Variants in CDK5RAP2 observed in about 807,000 individuals in gnomAD.
CDK5RAP2 encodes CDK5 regulatory subunit-associated protein 2.
A neutral mutation model predicts 232.9 loss-of-function variants in CDK5RAP2; 147 were observed. The ratio of observed to expected loss-of-function variants is 0.63; its 90% CI spans 0.55 to 0.72. The LOEUF is 0.72. Among genes scored for constraint, CDK5RAP2 ranks in the 30% least tolerant of loss-of-function variants. The probability of loss-of-function intolerance (pLI) is 0.00; values close to 1 mark genes in which losing one functional copy is unlikely to be tolerated. For synonymous variants in CDK5RAP2, 833 were observed against 833.7 expected (o/e 1.00, Z 0.01); for missense variants, 2,195 against 2,231.5 (o/e 0.98, Z 0.33).
chr9:120,432,068 C>T (rs2035315664), intron 25 of CDK5RAP2, among the ~76,000 whole-genome samples: 1 of 152,180 alleles, frequency 6.6e-6, no homozygotes, highest in Non-Finnish European at 1.5e-5. Flanking sequence ...AGCCTACCAA[C>T]CAAACATTAT....
chr9:120,561,305 A>AT (rs199984383), intron 3 of CDK5RAP2, among the ~76,000 whole-genome samples: 3 of 150,486 alleles, frequency 2.0e-5, no homozygotes, highest in African/African-American at 2.4e-5. Context: ...AAATAACAGA[A>AT]TTTTTTTTTT....
chr9:120,425,770 A>G (rs150048895), intron 25 of CDK5RAP2, among the ~76,000 whole-genome samples: 375 of 152,322 alleles, frequency 2.5e-3, no homozygotes, highest in Non-Finnish European at 3.7e-3. Context: ...AGTAATTGGT[A>G]GAAACTAATT....
At chr9:120,429,737 T>C (rs1318889049) in intron 25 of CDK5RAP2, among the ~76,000 whole-genome samples, 1 of 152,226 alleles carries the variant, frequency 6.6e-6, no homozygotes, top group Non-Finnish European at 1.5e-5. Context: ...AATGACTTTC[T>C]TCACAGAACT....
intron 18 of CDK5RAP2, among the ~76,000 whole-genome samples, 171 bp downstream of exon 18, chr9:120,467,689 G>A (rs568290164): frequency 2.5e-4 from 38 of 151,700 alleles, no homozygotes; most frequent in Middle Eastern, 6.8e-3. Flanking sequence ...TCTATCCCCC[G>A]GGCTGGAGTG....
At chr9:120,505,297 G>A (rs2039759218) in intron 12 of CDK5RAP2, among the ~76,000 whole-genome samples, 1 of 152,022 alleles carries the variant, frequency 6.6e-6, no homozygotes, top group Non-Finnish European at 1.5e-5. Flanking sequence ...TATTCCAGTT[G>A]TTTGGCAGTG....
Position 120,437,345 on chromosome 9 carries a change from A to G in CDK5RAP2, c.3905T>C (p.Leu1302Pro). The G allele has an allele frequency of 6.2e-7, 1 of 1,614,100 alleles. No homozygotes were observed. The highest frequency in any genetic ancestry group is 8.5e-7 in the Non-Finnish European group (1 of 1,179,994). Reference protein sequence around the residue: ...YCVAEGFQEQLNQCAELLEKL... With the variant: ...YCVAEGFQEQPNQCAELLEKL... ...CTCCAGCAGCTCAGCACATTGATTC[A>G]GCTGTTCCTGGAAACCCTCGGCCAC... The change falls in exon 25 of 38, where the codon CTG becomes CCG. Residue 1302 changes from leucine to proline, a missense_variant. Coordinates refer to ENST00000349780, the MANE Select transcript of CDK5RAP2 (RefSeq NM_018249.6).
At chr9:120,392,294 C>T (rs916437665) in intron 36 of CDK5RAP2, among the ~76,000 whole-genome samples, 2 of 152,156 alleles carry the variant, frequency 1.3e-5, no homozygotes, top group African/African-American at 4.8e-5. Context: ...TTGGAACTCA[C>T]GTCTCCAGTT....
At chr9:120,505,060 G>A (rs1249137815) in intron 12 of CDK5RAP2, among the ~76,000 whole-genome samples, 1 of 152,118 alleles carries the variant, frequency 6.6e-6, no homozygotes, top group Non-Finnish European at 1.5e-5. Context: ...GCAGGTACAG[G>A]CATAGCTCAT....
Position 120,550,706 on chromosome 9 carries a change from T to C in CDK5RAP2, c.306+86A>G, listed in dbSNP as rs527799475. The C allele has an allele frequency of 1.3e-4, 110 of 841,914 alleles. No homozygotes were observed. In the African/African-American group the frequency reaches 1.4e-3, roughly 11 times the overall value. The allele number at this position is 841,914 out of a possible 1,614,324, so 52.2% of individuals were successfully genotyped here. On this transcript the variant is annotated intron_variant, in intron 4 of 37. Coordinates refer to ENST00000349780, the MANE Select transcript of CDK5RAP2 (RefSeq NM_018249.6). ...TGAAAGCATCTCTATTCATACTAAC[T>C]CTAAGAACAAATATTAATCAAATTT...
intron 3 of CDK5RAP2, among the ~76,000 whole-genome samples, chr9:120,557,915 G>A (rs111310788): frequency 0.036 from 5,450 of 149,434 alleles, 146 homozygotes; most frequent in Middle Eastern, 0.068. Flanking sequence ...ACAGGTGCCC[G>A]CCACCACACC....
At chr9:120,432,253 A>C (rs577941872) in intron 25 of CDK5RAP2, among the ~76,000 whole-genome samples, 135 of 152,320 alleles carry the variant, frequency 8.9e-4, no homozygotes, top group African/African-American at 3.1e-3. Flanking sequence ...CTTATTATCT[A>C]TAACTGAACA....
At chr9:120,487,564 T>C in intron 13 of CDK5RAP2, 127 bp from the exon 14 acceptor site, 2 of 715,978 alleles carry the variant, frequency 2.8e-6, no homozygotes, top group Non-Finnish European at 4.5e-6. Flanking sequence ...TACATAATTT[T>C]CATCATTCCA....
At chr9:120,521,648 T>TC (rs1564333943) in intron 11 of CDK5RAP2, among the ~76,000 whole-genome samples, 1 of 144,274 alleles carries the variant, frequency 6.9e-6, no homozygotes. Context: ...CTTTTTCTTT[T>TC]TTTTTTTTTT....
At chr9:120,459,978 C>T (rs983473836) in intron 19 of CDK5RAP2, among the ~76,000 whole-genome samples, 1 of 152,106 alleles carries the variant, frequency 6.6e-6, no homozygotes, top group Admixed American at 6.5e-5. Context: ...TTGGAGACTG[C>T]TTGCTCCACA....
chr9:120,550,891 T>C lies in CDK5RAP2; in HGVS notation c.207A>G (p.Glu69=). The C allele has an allele frequency of 6.2e-7, 1 of 1,605,360 alleles. No individual in the cohort carries two copies. Among genetic ancestry groups the C allele is most frequent in the Non-Finnish European group, 8.5e-7 (1 of 1,172,028 alleles). Residue 69 remains glutamate, a synonymous_variant, in exon 4 of 38, where the codon GAA becomes GAG. Coordinates refer to ENST00000349780, the MANE Select transcript of CDK5RAP2 (RefSeq NM_018249.6). ...NMKDFENQIT[E]LKKENFNLKL... ...TTAGGTTAAAGTTTTCTTTCTTCAA[T>C]TCAGTGATTTGCTGAAAAATATCAC...
Position 120,545,697 on chromosome 9 carries a change from C to T in CDK5RAP2, c.383+17G>A, listed in dbSNP as rs995617460. ...GTGTGGGCGACTTGCAAGCTTTCAA[C>T]GGATGATGGTACTCACGAGGCTTTG... On this transcript the variant is annotated intron_variant, in intron 5 of 37. Transcript: ENST00000349780. The T allele has an allele frequency of 1.0e-5, 16 of 1,604,480 alleles. No homozygotes were observed. The highest frequency in any genetic ancestry group is 2.2e-5 in the South Asian group (2 of 90,898).
At chr9:120,456,230 T>A (rs2036766662) in intron 20 of CDK5RAP2, among the ~76,000 whole-genome samples, 1 of 152,228 alleles carries the variant, frequency 6.6e-6, no homozygotes, top group Non-Finnish European at 1.5e-5. Flanking sequence ...GTGGTGGCAG[T>A]CAGCAAAGAG....
At chr9:120,569,742 T>C (rs1265607338) in intron 2 of CDK5RAP2, among the ~76,000 whole-genome samples, 2 of 152,126 alleles carry the variant, frequency 1.3e-5, no homozygotes, top group Non-Finnish European at 2.9e-5. Context: ...AGTAAGATGA[T>C]TCGACTTAGG....
chr9:120,398,672 C>A (rs2032733063), intron 35 of CDK5RAP2, among the ~76,000 whole-genome samples: 1 of 152,196 alleles, frequency 6.6e-6, no homozygotes, highest in Non-Finnish European at 1.5e-5. Flanking sequence ...TTACTCCAAT[C>A]TCTCCCCTTC....
Sources: gnomAD v4.1 joint callset for allele counts (sites outside exome capture counted in the v4.1 genomes callset) on GRCh38, gnomAD v4.1.1 for gene constraint, MANE v1.5 for transcripts, NCBI Gene and HGNC (gene_info 2026-07-23, HGNC 2026-07-21) for gene names.